MSI2: variants seen among roughly 807,000 people sequenced by gnomAD.
MSI2 encodes the protein RNA-binding protein Musashi homolog 2.
Under a neutral mutation model 45.6 loss-of-function variants are expected in MSI2, and 17 were observed. That is an observed-to-expected ratio of 0.37 (90% CI 0.26 to 0.56). The LOEUF (loss-of-function observed/expected upper bound fraction) is 0.56, where lower values mean the gene tolerates loss of function less well. Among genes scored for constraint, MSI2 ranks in the 20% least tolerant of loss-of-function variants. The pLI, the probability that MSI2 is intolerant of heterozygous loss-of-function variation, is 0.77. For synonymous variants in MSI2, 156 were observed against 158.2 expected (o/e 0.99, Z 0.11); for missense variants, 293 against 444.2 (o/e 0.66, Z 3.06).
intron 6 of MSI2, among the ~76,000 whole-genome samples, chr17:57,514,617 A>G (rs1483674340): frequency 6.7e-6 from 1 of 149,772 alleles, no homozygotes; most frequent in Non-Finnish European, 1.5e-5. Flanking sequence ...AGAAAAACAT[A>G]CTTGTTGGGT....
At chr17:57,516,455 C>T (rs996333065) in intron 6 of MSI2, among the ~76,000 whole-genome samples, 11 of 152,148 alleles carry the variant, frequency 7.2e-5, no homozygotes, top group Admixed American at 4.6e-4. Flanking sequence ...TATTTGCATG[C>T]GACCCATTGC....
intron 7 of MSI2, among the ~76,000 whole-genome samples, chr17:57,577,826 T>C (rs1275174921): frequency 6.6e-6 from 1 of 152,242 alleles, no homozygotes; most frequent in East Asian, 1.9e-4. Flanking sequence ...TAAGTGTTTC[T>C]GCGTCCTCGG....
chr17:57,461,224 C>T (rs931844268), intron 6 of MSI2, among the ~76,000 whole-genome samples: 1 of 152,194 alleles, frequency 6.6e-6, no homozygotes, highest in African/African-American at 2.4e-5. Context: ...GTCACCCACT[C>T]TTCTCTGGGC....
At chr17:57,358,369 C>A (rs1916594949) in intron 5 of MSI2, among the ~76,000 whole-genome samples, 2 of 152,090 alleles carry the variant, frequency 1.3e-5, no homozygotes, top group South Asian at 4.1e-4. Context: ...CAGGTAACAC[C>A]TTGAATGACT....
At chr17:57,495,082 G>A (rs749391937) in intron 6 of MSI2, among the ~76,000 whole-genome samples, 26 of 152,128 alleles carry the variant, frequency 1.7e-4, no homozygotes, top group Admixed American at 3.9e-4. Flanking sequence ...GGGCTTGGAG[G>A]AGGTGAGGGA....
At chr17:57,569,211 C>T (rs1029452941) in intron 7 of MSI2, among the ~76,000 whole-genome samples, 2 of 152,156 alleles carry the variant, frequency 1.3e-5, no homozygotes, top group Non-Finnish European at 2.9e-5. Flanking sequence ...ATCATCTATT[C>T]GCCAGATGTT....
intron 11 of MSI2, among the ~76,000 whole-genome samples, chr17:57,664,006 T>TAAA (rs113003145): frequency 1.4e-5 from 2 of 147,680 alleles, no homozygotes; most frequent in Admixed American, 6.7e-5. Flanking sequence ...ATTAACAGCT[T>TAAA]AAAAAAAAAA....
intron 6 of MSI2, among the ~76,000 whole-genome samples, chr17:57,424,918 G>A: frequency 6.6e-6 from 1 of 152,156 alleles, no homozygotes; most frequent in Non-Finnish European, 1.5e-5. Context: ...GTGCTTGGGA[G>A]TCGGACACCT....
At chr17:57,479,960 A>G (rs985147876) in intron 6 of MSI2, among the ~76,000 whole-genome samples, 3 of 152,204 alleles carry the variant, frequency 2.0e-5, no homozygotes, top group African/African-American at 4.8e-5. Flanking sequence ...TTTCTACTTC[A>G]CATTACCAAC....
rs1013893649 is a variant in MSI2, at chr17:57,683,869, A to G, written c.*4352A>G. 1 of 231,722 alleles carries G rather than the reference A, an allele frequency of 4.3e-6. No individual in the cohort carries two copies. The highest frequency in any genetic ancestry group is 2.2e-5 in the African/African-American group (1 of 45,326). The allele number at this position is 231,722 out of a possible 1,614,324, so 14.4% of individuals were successfully genotyped here. A position where few individuals can be genotyped will look rare whatever the true frequency, so the allele number is the denominator to read the frequency against. ...CCCGTCCTGGGCACAGACACTACAC[A>G]AGGAGACGCTGGAAGTTAAGCAATA... On this transcript the variant is annotated 3_prime_UTR_variant, in exon 14 of 14. Coordinates refer to ENST00000284073, the MANE Select transcript of MSI2 (RefSeq NM_138962.4). The surrounding 1 kb of genome is among the most constrained non-coding windows in gnomAD (Gnocchi z 5.2).
intron 6 of MSI2, chr17:57,522,553 A>C (rs2086612985): frequency 6.6e-6 from 1 of 152,234 alleles, no homozygotes; most frequent in African/African-American, 2.4e-5. Context: ...GAGTTTGCAA[A>C]AGCCCAGTGG....
rs79728723 is a variant in MSI2, at chr17:57,393,023, G to A, written c.313-8356G>A. Among the ~76,000 whole-genome samples the A allele has an allele frequency of 3.8e-3, 584 of 152,104 alleles. 18 individuals are homozygous for A. The highest frequency in any genetic ancestry group is 0.029 in the East Asian group (152 of 5,168). ...ATTTTTATCACCTCAAAAAGAAACC[G>A]CATACCCTTTAGCCATCACTCCCTC... On this transcript the variant is annotated intron_variant, in intron 5 of 13. Coordinates refer to ENST00000284073, the MANE Select transcript of MSI2 (RefSeq NM_138962.4).
At chr17:57,592,414 A>G (rs1172123616) in intron 7 of MSI2, among the ~76,000 whole-genome samples, 2 of 152,188 alleles carry the variant, frequency 1.3e-5, no homozygotes, top group Non-Finnish European at 2.9e-5. Context: ...AGTAAAAATG[A>G]TTATATGTTA....
downstream of MSI2, chr17:57,685,393 C>T (rs1913851407): frequency 6.6e-6 from 1 of 152,300 alleles, no homozygotes; most frequent in South Asian, 2.1e-4. Context: ...AGGGATGAAG[C>T]GTGGATGAAG....
rs935877554 is a variant in MSI2 at position 57,482,998 on chromosome 17, C to T, written c.406-46678C>T. On this transcript the variant is annotated intron_variant, in intron 6 of 13. Coordinates refer to ENST00000284073, the MANE Select transcript of MSI2 (RefSeq NM_138962.4). Reference sequence around the variant, plus strand: ...GTTTTTCTCAAATCAGATTTTAAAACTTTGCTCTGAAAGACCAACAACAAT... The same window carrying T: ...GTTTTTCTCAAATCAGATTTTAAAATTTTGCTCTGAAAGACCAACAACAAT... Among the ~76,000 whole-genome samples the T allele has an allele frequency of 3.3e-5, 5 of 152,186 alleles. No individual in the cohort carries two copies. In the East Asian group the frequency reaches 9.6e-4, roughly 29 times the overall value.
intron 5 of MSI2, among the ~76,000 whole-genome samples, chr17:57,322,333 T>C (rs1913418795): frequency 6.6e-6 from 1 of 152,204 alleles, no homozygotes; most frequent in South Asian, 2.1e-4. Flanking sequence ...GTGGTCAGGG[T>C]TTGGTTCTCA....
intron 7 of MSI2, among the ~76,000 whole-genome samples, chr17:57,555,676 A>G (rs1226092527): frequency 1.3e-5 from 2 of 152,214 alleles, no homozygotes; most frequent in Non-Finnish European, 2.9e-5. Flanking sequence ...TCTTAACTGC[A>G]GGAGACCATA....
At chr17:57,393,589 T>G (rs1370223054) in intron 5 of MSI2, among the ~76,000 whole-genome samples, 1 of 152,194 alleles carries the variant, frequency 6.6e-6, no homozygotes, top group African/African-American at 2.4e-5. Flanking sequence ...TGTGTAAAAG[T>G]TTTTGGGTGG....
At chr17:57,373,643 G>C (rs186929177) in intron 5 of MSI2, among the ~76,000 whole-genome samples, 1 of 152,202 alleles carries the variant, frequency 6.6e-6, no homozygotes, top group Non-Finnish European at 1.5e-5. Context: ...AATACCTACT[G>C]TCTCTTCTGT....
Sources: allele counts gnomAD v4.1 joint callset (sites outside exome capture counted in the v4.1 genomes callset), GRCh38; gene constraint gnomAD v4.1.1; non-coding constraint Gnocchi (gnomAD v3.1); transcripts MANE v1.5; gene names NCBI Gene and HGNC (gene_info 2026-07-23, HGNC 2026-07-21).